Variants in CHLSN observed in about 807,000 individuals in gnomAD.
The protein encoded by CHLSN is protein cholesin.
At chr7:1,066,589 C>G in the CHLSN span, among the ~76,000 whole-genome samples, 13 of 152,168 alleles carry the variant, frequency 8.5e-5, no homozygotes, top group East Asian at 2.5e-3. Flanking sequence ...AGGGGTTCTA[C>G]CTGCCCTCTA....
chr7:1,029,657 G>A, the CHLSN span, among the ~76,000 whole-genome samples: 6 of 152,228 alleles, frequency 3.9e-5, no homozygotes, highest in Non-Finnish European at 8.8e-5. Context: ...GCGAGGAGAG[G>A]CTTAGACTCC....
the CHLSN span, among the ~76,000 whole-genome samples, chr7:986,211 G>A: frequency 2.0e-4 from 31 of 152,250 alleles, no homozygotes; most frequent in East Asian, 1.4e-3. Context: ...AGGCAGTCAC[G>A]GAGCACCCGC....
chr7:1,036,435 T>C, the CHLSN span, among the ~76,000 whole-genome samples: 10 of 130,104 alleles, frequency 7.7e-5, no homozygotes, highest in Admixed American at 1.5e-4. Context: ...TGTGGCCGTG[T>C]AGGGTTCGGG....
chr7:1,070,911 C>G, the CHLSN span, among the ~76,000 whole-genome samples: 1 of 125,152 alleles, frequency 8.0e-6, no homozygotes, highest in South Asian at 2.6e-4. Flanking sequence ...CATGCACGCA[C>G]ACACACAGCA....
chr7:1,099,026 A>C, the CHLSN span, among the ~76,000 whole-genome samples: 2 of 152,282 alleles, frequency 1.3e-5, no homozygotes, highest in East Asian at 3.8e-4. Flanking sequence ...GTACCCATTC[A>C]AGCGCCGGGC....
At chr7:1,048,078 G>T in the CHLSN span, among the ~76,000 whole-genome samples, 1 of 152,174 alleles carries the variant, frequency 6.6e-6, no homozygotes, top group Admixed American at 6.5e-5. Context: ...GTGGTCAGGG[G>T]TGGGTTCCCG....
the CHLSN span, among the ~76,000 whole-genome samples, chr7:1,076,725 C>T: frequency 2.0e-5 from 3 of 152,342 alleles, no homozygotes; most frequent in African/African-American, 7.2e-5. Flanking sequence ...CTTCAGGGAC[C>T]GGTGGCCTTG....
chr7:998,457 C>CTTTTT, the CHLSN span, among the ~76,000 whole-genome samples: 114 of 95,012 alleles, frequency 1.2e-3, 1 homozygote, highest in Non-Finnish European at 1.7e-3. Flanking sequence ...GTCTTAGATT[C>CTTTTT]TTTTTTTTTT....
At chr7:987,012 G>T in the CHLSN span, 15 of 1,399,368 alleles carry the variant, frequency 1.1e-5, no homozygotes, top group Admixed American at 5.9e-5. Context: ...CCAGATCACC[G>T]GGGCATCCAT....
chr7:1,079,202 G>A, the CHLSN span, among the ~76,000 whole-genome samples: 2 of 152,200 alleles, frequency 1.3e-5, no homozygotes, highest in African/African-American at 4.8e-5. Context: ...CAAGCCACTC[G>A]AAGCTGACAT....
chr7:1,096,355 C>T, the CHLSN span, among the ~76,000 whole-genome samples: 21 of 152,188 alleles, frequency 1.4e-4, no homozygotes, highest in African/African-American at 5.1e-4. This position sits in a 1 kb window ranked among gnomAD's most constrained non-coding sequence, Gnocchi z 4.6. Flanking sequence ...CACCGGGCTG[C>T]GGTAAGGGCA....
At chr7:1,095,579 C>T in the CHLSN span, among the ~76,000 whole-genome samples, 1 of 152,206 alleles carries the variant, frequency 6.6e-6, no homozygotes, top group Non-Finnish European at 1.5e-5. Context: ...AGACGAGAGA[C>T]CCAGCATTTC....
chr7:1,004,168 C>T, the CHLSN span, among the ~76,000 whole-genome samples: 3 of 152,072 alleles, frequency 2.0e-5, no homozygotes, highest in African/African-American at 7.3e-5. Flanking sequence ...GACAGCCCCT[C>T]GTCGTCTGCT....
chr7:981,412 T>C, the CHLSN span, among the ~76,000 whole-genome samples: 2 of 149,424 alleles, frequency 1.3e-5, no homozygotes, highest in African/African-American at 4.9e-5. Flanking sequence ...CCAGGAGGAG[T>C]TGAAGACCAG....
At chr7:1,003,191 A>G in the CHLSN span, among the ~76,000 whole-genome samples, 1 of 11,602 alleles carries the variant, frequency 8.6e-5, no homozygotes, top group Non-Finnish European at 1.5e-4. Flanking sequence ...GCGGGTGGGG[A>G]GTCCTGTGGG....
the CHLSN span, among the ~76,000 whole-genome samples, chr7:1,070,421 G>GC: frequency 5.5e-5 from 8 of 145,928 alleles, no homozygotes; most frequent in African/African-American, 1.7e-4. Context: ...CTGCCCGGCC[G>GC]CCCCTACTGG....
chr7:1,028,770 TA>T, the CHLSN span: 1 of 614,814 alleles, frequency 1.6e-6, no homozygotes, highest in Non-Finnish European at 1.9e-6. Context: ...CCATCTCCCC[TA>T]GTCTGCCGCC....
chr7:1,058,538 A>T, the CHLSN span: 1 of 766,954 alleles, frequency 1.3e-6, no homozygotes, highest in Non-Finnish European at 2.4e-6. Context: ...CCTCCTGGGG[A>T]GACGTGACTC....
the CHLSN span, among the ~76,000 whole-genome samples, chr7:1,120,206 C>T: frequency 1.3e-5 from 2 of 152,214 alleles, no homozygotes; most frequent in Admixed American, 1.3e-4. Context: ...GACAAGACAG[C>T]ACTTACCAGA....
Sources: gnomAD v4.1 joint callset for allele counts (sites outside exome capture counted in the v4.1 genomes callset) on GRCh38, gnomAD v4.1.1 for gene constraint, Gnocchi (gnomAD v3.1) non-coding constraint, MANE v1.5 for transcripts, NCBI Gene and HGNC (gene_info 2026-07-23, HGNC 2026-07-21) for gene names.